Variants in LGR4 observed in about 807,000 individuals in gnomAD.
LGR4 encodes leucine-rich repeat-containing G protein-coupled receptor 4.
A neutral mutation model predicts 84.8 loss-of-function variants in LGR4; 44 were observed. That is an observed-to-expected ratio of 0.52 (90% confidence interval 0.41 to 0.67). The LOEUF is 0.67. Among genes scored for constraint, LGR4 ranks in the 30% least tolerant of loss-of-function variants. LGR4 has a pLI of 0.00. For missense variants in LGR4, 1,032 were observed against 1,131.4 expected (o/e 0.91, Z 1.26); for synonymous variants, 429 against 434.3 (o/e 0.99, Z 0.15).
intron 17 of LGR4, among the ~76,000 whole-genome samples, chr11:27,369,665 G>T (rs560981628): frequency 1.3e-5 from 2 of 152,232 alleles, no homozygotes; most frequent in East Asian, 3.9e-4. Context: ...GCAGGATGCT[G>T]GATATATAGT....
intron 1 of LGR4, among the ~76,000 whole-genome samples, chr11:27,426,249 C>T (rs1864023418): frequency 1.3e-5 from 2 of 152,150 alleles, no homozygotes; most frequent in Non-Finnish European, 2.9e-5. Flanking sequence ...CAGATTTCCT[C>T]CCTGTCTATT....
rs1862794832 is a variant in LGR4, at chr11:27,367,808, G to C, written c.*59C>G. The C allele has an allele frequency of 8.0e-7, 1 of 1,245,388 alleles. No homozygotes were observed. The highest frequency in any genetic ancestry group is 1.5e-5 in the African/African-American group (1 of 66,624). The allele number at this position is 1,245,388 out of a possible 1,614,324, so 77.1% of individuals were successfully genotyped here. On this transcript the variant is annotated 3_prime_UTR_variant, in exon 18 of 18. Coordinates refer to ENST00000379214, the MANE Select transcript of LGR4 (RefSeq NM_018490.5). ...CTTCCCAGATGAAAGATGAGAATAG[G>C]GTTCACTCTATAAACACTGATTTTG...
intron 1 of LGR4, among the ~76,000 whole-genome samples, chr11:27,434,977 C>T (rs1168273129): frequency 7.2e-5 from 11 of 152,048 alleles, no homozygotes; most frequent in Admixed American, 3.3e-4. Flanking sequence ...CACCATGCAA[C>T]GTGTCAAACA....
At chr11:27,382,498 T>C (rs1214568357) in intron 6 of LGR4, among the ~76,000 whole-genome samples, 1 of 152,220 alleles carries the variant, frequency 6.6e-6, no homozygotes, top group Non-Finnish European at 1.5e-5. Context: ...AACTTACAAG[T>C]TCAAATAATT....
At chr11:27,412,017 G>T (rs1221436160) in intron 2 of LGR4, among the ~76,000 whole-genome samples, 2 of 151,900 alleles carry the variant, frequency 1.3e-5, no homozygotes, top group African/African-American at 4.8e-5. Context: ...CCATTAGCTT[G>T]GCCTGTAGAA....
chr11:27,391,585 C>T (rs147484436), intron 3 of LGR4, among the ~76,000 whole-genome samples: 1 of 152,008 alleles, frequency 6.6e-6, no homozygotes, highest in East Asian at 1.9e-4. Context: ...AAGCAGAGCC[C>T]GGAAACATGG....
chr11:27,420,314 A>G (rs979862529), intron 1 of LGR4, among the ~76,000 whole-genome samples: 2 of 152,158 alleles, frequency 1.3e-5, no homozygotes, highest in Non-Finnish European at 2.9e-5. Context: ...CACTGGGTCC[A>G]GTTTCTTCAT....
intron 2 of LGR4, among the ~76,000 whole-genome samples, chr11:27,395,656 G>C (rs1476116035): frequency 5.3e-5 from 8 of 152,204 alleles, no homozygotes; most frequent in Non-Finnish European, 1.0e-4. Context: ...GGTGGACAGT[G>C]ATAATGCTGT....
rs373112111 is a variant in LGR4 at position 27,471,787 on chromosome 11, C to G, written c.185+331G>C. 305 of 193,956 alleles carry G rather than the reference C, an allele frequency of 1.6e-3. 1 individual carries two copies. The highest frequency in any genetic ancestry group is 5.6e-3 in the African/African-American group (240 of 42,934). 12.0% of individuals were successfully genotyped at this position (193,956 alleles called of 1,614,324 possible). A position where few individuals can be genotyped will look rare whatever the true frequency, so the allele number is the denominator to read the frequency against. On this transcript the variant is annotated intron_variant, in intron 1 of 17. Transcript: ENST00000379214. Reference sequence around the variant, plus strand: ...GGTCGCGTGGACAGGCTGCCAGGGGCAAGCGTTTTTAGATTACTTCCTCCT... The same window carrying G: ...GGTCGCGTGGACAGGCTGCCAGGGGGAAGCGTTTTTAGATTACTTCCTCCT...
chr11:27,412,236 C>A (rs377619261), intron 2 of LGR4, among the ~76,000 whole-genome samples: 1 of 152,108 alleles, frequency 6.6e-6, no homozygotes, highest in African/African-American at 2.4e-5. Flanking sequence ...TGAGATGCAA[C>A]TGACAAGTTC....
chr11:27,393,940 G>C (rs906573708), intron 2 of LGR4, among the ~76,000 whole-genome samples: 3 of 65,108 alleles, frequency 4.6e-5, no homozygotes, highest in Admixed American at 1.6e-4. Context: ...ACTGAAGATT[G>C]GGGGGGGGGG....
At chr11:27,464,649 GC>G (rs1864744217) in intron 1 of LGR4, among the ~76,000 whole-genome samples, 1 of 152,300 alleles carries the variant, frequency 6.6e-6, no homozygotes, top group Non-Finnish European at 1.5e-5. Flanking sequence ...ACATTCCTTA[GC>G]TATGCCTAGT....
At chr11:27,448,858 A>G (rs1864436062) in intron 1 of LGR4, among the ~76,000 whole-genome samples, 1 of 152,206 alleles carries the variant, frequency 6.6e-6, no homozygotes, top group Non-Finnish European at 1.5e-5. Context: ...ATTGCCTTTC[A>G]CTTCTACTCT....
At chr11:27,464,161 A>T (rs1223410040) in intron 1 of LGR4, among the ~76,000 whole-genome samples, 1 of 152,204 alleles carries the variant, frequency 6.6e-6, no homozygotes, top group Non-Finnish European at 1.5e-5. Flanking sequence ...TTTCTGGAGA[A>T]TTATTCTGCA....
intron 1 of LGR4, among the ~76,000 whole-genome samples, chr11:27,452,100 G>A (rs145998068): frequency 6.6e-6 from 1 of 152,304 alleles, no homozygotes; most frequent in East Asian, 1.9e-4. Context: ...TAATGTTGAT[G>A]TGAAAGTTAA....
chr11:27,395,541 T>C (rs1863374221), intron 2 of LGR4, among the ~76,000 whole-genome samples: 1 of 152,190 alleles, frequency 6.6e-6, no homozygotes, highest in Non-Finnish European at 1.5e-5. Flanking sequence ...AAGCATTCTC[T>C]TTCTCCTCTA....
chr11:27,461,344 TAA>T (rs879889790), intron 1 of LGR4, among the ~76,000 whole-genome samples: 2 of 139,770 alleles, frequency 1.4e-5, no homozygotes. Context: ...CTCCATAAAT[TAA>T]AAAAAAAAAA....
chr11:27,429,847 G>T (rs1199852505), intron 1 of LGR4, among the ~76,000 whole-genome samples: 1 of 152,162 alleles, frequency 6.6e-6, no homozygotes, highest in Non-Finnish European at 1.5e-5. Context: ...GAAAGAGACT[G>T]CCTGAGGTGG....
At chr11:27,411,988 C>G (rs1362652164) in intron 2 of LGR4, among the ~76,000 whole-genome samples, 1 of 152,076 alleles carries the variant, frequency 6.6e-6, no homozygotes, top group African/African-American at 2.4e-5. Context: ...CACCTTCCTA[C>G]CTCTATATAT....
Sources: gnomAD v4.1 joint callset for allele counts (sites outside exome capture counted in the v4.1 genomes callset) on GRCh38, gnomAD v4.1.1 for gene constraint, MANE v1.5 for transcripts, NCBI Gene and HGNC (gene_info 2026-07-23, HGNC 2026-07-21) for gene names.